The following TGFBR2 variants were observed in gnomAD, a reference collection of about 807,000 sequenced individuals.
TGFBR2 encodes the protein transforming growth factor beta receptor 2, also known as TGF-beta receptor type-2.
In TGFBR2, 18 loss-of-function variants were observed where a neutral mutation model predicts 49.0. That is an observed-to-expected ratio of 0.37 (90% confidence interval 0.25 to 0.54). TGFBR2 has a LOEUF of 0.54. TGFBR2 is among the 20% of genes least tolerant of loss of function. The pLI, the probability that TGFBR2 is intolerant of heterozygous loss-of-function variation, is 0.85. For synonymous variants in TGFBR2, 282 were observed against 275.9 expected (o/e 1.02, Z -0.22); for missense variants, 525 against 722.6 (o/e 0.73, Z 3.13).
chr3:30,630,759 G>A (rs1698420444), intron 1 of TGFBR2, among the ~76,000 whole-genome samples: 1 of 152,142 alleles, frequency 6.6e-6, no homozygotes. Context: ...GAGGTAACCA[G>A]CCTGGATCCT....
rs1699754884 is a variant in TGFBR2, at chr3:30,693,961, G to C, written c.*2362G>C. The C allele has an allele frequency of 4.4e-6, 1 of 229,326 alleles. No homozygotes were observed. The highest frequency in any genetic ancestry group is 1.8e-4 in the South Asian group (1 of 5,468). The allele number at this position is 229,326 out of a possible 1,614,324, so 14.2% of individuals were successfully genotyped here. On this transcript the variant is annotated 3_prime_UTR_variant, in exon 7 of 7. Transcript: ENST00000295754. ...TATTCTTTTATGGAACACTTCAGCT[G>C]TACTCATGTATTAAAATAGGAATGT...
chr3:30,663,218 A>G (rs925456256), intron 3 of TGFBR2, among the ~76,000 whole-genome samples: 1 of 152,218 alleles, frequency 6.6e-6, no homozygotes, highest in African/African-American at 2.4e-5. Flanking sequence ...ATACTAAGAC[A>G]CAGATACATT....
At chr3:30,681,610 G>T (rs975591215) in intron 5 of TGFBR2, among the ~76,000 whole-genome samples, 1 of 152,164 alleles carries the variant, frequency 6.6e-6, no homozygotes, top group Admixed American at 6.5e-5. Context: ...GAGAGGTGGC[G>T]GGAGGGAGAT....
At chr3:30,641,170 C>T (rs899006474) in intron 1 of TGFBR2, among the ~76,000 whole-genome samples, 1 of 152,154 alleles carries the variant, frequency 6.6e-6, no homozygotes, top group South Asian at 2.1e-4. Context: ...TCTTACGGGC[C>T]TCAGAGAATC....
Position 30,606,775 on chromosome 3 carries a change from C to A in TGFBR2, c.-109C>A. ...CTGGCCCGCACATCTGCGCTGCCGGCCCGGCGCGGGGTCCGGAGAGGGCGC... is the reference window on the plus strand; with the variant it reads ...CTGGCCCGCACATCTGCGCTGCCGGACCGGCGCGGGGTCCGGAGAGGGCGC... On this transcript the variant is annotated 5_prime_UTR_variant, in exon 1 of 7. Coordinates refer to ENST00000295754, the MANE Select transcript of TGFBR2 (RefSeq NM_003242.6). 1.2e-6 allele frequency: 1 copy of A among 802,048 alleles called. No individual in the cohort carries two copies. Among genetic ancestry groups the A allele is most frequent in the Non-Finnish European group, 1.7e-6 (1 of 580,938 alleles). The allele number at this position is 802,048 out of a possible 1,614,324, so 49.7% of individuals were successfully genotyped here. A position where few individuals can be genotyped will look rare whatever the true frequency, so the allele number is the denominator to read the frequency against.
intron 1 of TGFBR2, among the ~76,000 whole-genome samples, chr3:30,619,785 C>A (rs746694066): frequency 6.6e-6 from 1 of 152,176 alleles, no homozygotes; most frequent in Non-Finnish European, 1.5e-5. Flanking sequence ...CCTTGATTAT[C>A]CATCCCACTG....
At chr3:30,650,189 C>A in intron 2 of TGFBR2, 81 bp from the exon 3 acceptor site, 2 of 1,412,336 alleles carry the variant, frequency 1.4e-6, no homozygotes, top group Non-Finnish European at 2.0e-6. Flanking sequence ...GATTGCCTTT[C>A]TGTCTGGAGG....
chr3:30,661,293 ACT>A (rs3830320), intron 3 of TGFBR2, among the ~76,000 whole-genome samples: 29,020 of 152,068 alleles, frequency 0.19, 2,898 homozygotes, highest in Admixed American at 0.23. Flanking sequence ...CAGGTGTGAA[ACT>A]CTCTTTGTGG....
At chr3:30,669,004 G>A (rs1194745327) in intron 3 of TGFBR2, among the ~76,000 whole-genome samples, 2 of 151,866 alleles carry the variant, frequency 1.3e-5, no homozygotes, top group Non-Finnish European at 2.9e-5. Context: ...TGGGCCAAGC[G>A]CAGTGGCTCA....
intron 2 of TGFBR2, among the ~76,000 whole-genome samples, chr3:30,649,767 C>CA (rs949480530): frequency 2.0e-5 from 3 of 150,964 alleles, no homozygotes; most frequent in Non-Finnish European, 3.0e-5. Context: ...GCCCAGCAAA[C>CA]AAAAAAAAGA....
intron 3 of TGFBR2, among the ~76,000 whole-genome samples, chr3:30,667,949 T>C (rs1699272018): frequency 1.3e-5 from 2 of 152,184 alleles, no homozygotes; most frequent in African/African-American, 2.4e-5. Flanking sequence ...AAAGTTTTTC[T>C]GTGAAGGGCC....
rs1699737355 is a variant in TGFBR2 at position 30,692,687 on chromosome 3, T to G, written c.*1088T>G. 4.3e-6 allele frequency: 1 copy of G among 233,166 alleles called. No individual in the cohort carries two copies. Among genetic ancestry groups the G allele is most frequent in the African/African-American group, 2.2e-5 (1 of 45,360 alleles). 14.4% of individuals were successfully genotyped at this position (233,166 alleles called of 1,614,324 possible). A position where few individuals can be genotyped will look rare whatever the true frequency, so the allele number is the denominator to read the frequency against. On this transcript the variant is annotated 3_prime_UTR_variant, in exon 7 of 7. Coordinates refer to ENST00000295754, the MANE Select transcript of TGFBR2 (RefSeq NM_003242.6). The stretch of plus-strand genomic sequence containing the variant: ...GGCTCCTGATTGCTCAAGCACAGTT[T>G]GGCCTGATGAAGAGGATTTCAACTA...
Position 30,672,072 on chromosome 3 carries a change from A to G in TGFBR2, c.889A>G (p.Ile297Val), listed in dbSNP as rs772678321. ...WKTEKDIFSD[I>V]NLKHENILQF... is the part of the protein sequence containing the mutation. ...GACAGAGAAGGACATCTTCTCAGAC[A>G]TCAATCTGAAGCATGAGAACATACT... The change falls in exon 4 of 7, where the codon ATC becomes GTC. Residue 297 changes from isoleucine (I) to valine (V), a missense_variant. This residue lies in a region of TGFBR2 where 376 missense variants were observed against 478.2 expected (regional missense o/e 0.79). Transcript: ENST00000295754. The surrounding 1 kb of genome is among the most constrained non-coding windows in gnomAD (Gnocchi z 4.5). The G allele has an allele frequency of 2.5e-6, 4 of 1,614,234 alleles. No individual in the cohort carries two copies. The highest frequency in any genetic ancestry group is 1.1e-5 in the South Asian group (1 of 91,088).
chr3:30,677,461 C>T (rs545164474), intron 5 of TGFBR2, among the ~76,000 whole-genome samples: 1 of 152,306 alleles, frequency 6.6e-6, no homozygotes, highest in South Asian at 2.1e-4. Context: ...CTGCAGACAC[C>T]AAGGTTATTT....
chr3:30,638,546 T>C (rs1177041514), intron 1 of TGFBR2, among the ~76,000 whole-genome samples: 1 of 152,178 alleles, frequency 6.6e-6, no homozygotes, highest in Non-Finnish European at 1.5e-5. Flanking sequence ...TATAATTAGA[T>C]AAAGCATTAG....
intron 2 of TGFBR2, 52 bp downstream of exon 2, chr3:30,644,967 G>A (rs534031193): frequency 6.6e-7 from 1 of 1,519,440 alleles, no homozygotes; most frequent in East Asian, 2.3e-5. Flanking sequence ...TTTACATAAT[G>A]TATTCTCATA....
At chr3:30,646,170 A>G (rs1698737350) in intron 2 of TGFBR2, among the ~76,000 whole-genome samples, 1 of 152,190 alleles carries the variant, frequency 6.6e-6, no homozygotes, top group Non-Finnish European at 1.5e-5. Context: ...TAGACCATGT[A>G]AAGCTAGCCT....
At chr3:30,675,711 T>C (rs1699427773) in intron 5 of TGFBR2, among the ~76,000 whole-genome samples, 1 of 152,198 alleles carries the variant, frequency 6.6e-6, no homozygotes, top group South Asian at 2.1e-4. Flanking sequence ...CTTTTTGTTT[T>C]GTGATAATTT....
In TGFBR2 at chr3:30,692,580, G is replaced by A. The variant is rs1468939326; in HGVS notation, c.*981G>A. On this transcript the variant is annotated 3_prime_UTR_variant, in exon 7 of 7. Coordinates refer to ENST00000295754, the MANE Select transcript of TGFBR2 (RefSeq NM_003242.6). ...AAAAAGGAGCAAATTCTCACTCTAG[G>A]CTTTATCGTGTTTACTTTTTCATTA... 8.6e-6 allele frequency: 2 copies of A among 232,828 alleles called. No individual in the cohort carries two copies. Among genetic ancestry groups the A allele is most frequent in the East Asian group, 6.0e-5 (1 of 16,698 alleles). The allele number at this position is 232,828 out of a possible 1,614,324, so 14.4% of individuals were successfully genotyped here. A position where few individuals can be genotyped will look rare whatever the true frequency, so the allele number is the denominator to read the frequency against.
Sources: allele counts gnomAD v4.1 joint callset (sites outside exome capture counted in the v4.1 genomes callset), GRCh38; gene constraint gnomAD v4.1.1; regional missense constraint gnomAD v4.1.1; non-coding constraint Gnocchi (gnomAD v3.1); transcripts MANE v1.5; gene names NCBI Gene and HGNC (gene_info 2026-07-23, HGNC 2026-07-21).